SLC24A3: variants seen among roughly 807,000 people sequenced by gnomAD.
The protein encoded by SLC24A3 is solute carrier family 24 member 3, also known as sodium/potassium/calcium exchanger 3.
Under a neutral mutation model 75.8 loss-of-function variants are expected in SLC24A3, and 28 were observed. That is an observed-to-expected ratio of 0.37 (90% CI 0.27 to 0.51). SLC24A3 has a LOEUF of 0.51. Ranked by LOEUF, SLC24A3 falls within the 20% of genes least tolerant of loss-of-function variation. SLC24A3 has a pLI of 0.94. For missense variants in SLC24A3, 663 were observed against 847.8 expected, an observed-to-expected ratio of 0.78 and a Z score of 2.71; for synonymous variants, 372 against 334.1, an observed-to-expected ratio of 1.11 and a Z score of -1.24.
At chr20:19,248,971 T>A (rs1300882328) in intron 1 of SLC24A3, among the ~76,000 whole-genome samples, 1 of 150,942 alleles carries the variant, frequency 6.6e-6, no homozygotes, top group Non-Finnish European at 1.5e-5. Flanking sequence ...AATAATGGTT[T>A]CCAGAGGCTG....
rs548255678 is a variant in SLC24A3, at chr20:19,652,836, C to T, written c.613-1226C>T. Among the ~76,000 whole-genome samples, 247 of 152,268 alleles carry T rather than the reference C, an allele frequency of 1.6e-3. 1 individual carries two copies. The highest frequency in any genetic ancestry group is 2.1e-3 in the Non-Finnish European group (141 of 68,028). On this transcript the variant is annotated intron_variant, in intron 6 of 16. Transcript: ENST00000328041. ...ATGTCCCTGGGGTCCCTTTTTCCCA[C>T]TGTGTTTGGTGTAGCATGTGCCTGT...
At chr20:19,438,079 CTG>C (rs902649518) in intron 2 of SLC24A3, among the ~76,000 whole-genome samples, 7 of 152,156 alleles carry the variant, frequency 4.6e-5, no homozygotes, top group Admixed American at 1.3e-4. Context: ...TCAAGGTCCC[CTG>C]TGTTTTTGAA....
At chr20:19,516,175 C>G (rs1199404231) in intron 3 of SLC24A3, among the ~76,000 whole-genome samples, 1 of 152,210 alleles carries the variant, frequency 6.6e-6, no homozygotes, top group Non-Finnish European at 1.5e-5. Context: ...CATCTGGCCT[C>G]TTACTTTCCA....
At chr20:19,678,339 G>A (rs1451947288) in intron 9 of SLC24A3, among the ~76,000 whole-genome samples, 1 of 111,220 alleles carries the variant, frequency 9.0e-6, no homozygotes, top group Non-Finnish European at 1.9e-5. Flanking sequence ...GCGGGGGGCT[G>A]ACCCCCCCCA....
intron 7 of SLC24A3, among the ~76,000 whole-genome samples, chr20:19,661,572 G>C (rs6081704): frequency 6.6e-6 from 1 of 152,124 alleles, no homozygotes; most frequent in Non-Finnish European, 1.5e-5. Context: ...AAGAGTTTCA[G>C]GTTTCAGTCT....
At chr20:19,366,693 T>C (rs1985897033) in intron 2 of SLC24A3, among the ~76,000 whole-genome samples, 1 of 152,126 alleles carries the variant, frequency 6.6e-6, no homozygotes, top group African/African-American at 2.4e-5. Context: ...TAAAATCAAG[T>C]TTGCTTTATT....
At chr20:19,307,051 G>T (rs1274054546) in intron 2 of SLC24A3, among the ~76,000 whole-genome samples, 1 of 152,154 alleles carries the variant, frequency 6.6e-6, no homozygotes, top group Non-Finnish European at 1.5e-5. Flanking sequence ...GAGGATATTG[G>T]TTGGAGTGGG....
chr20:19,592,171 GCA>G (rs1438468941), intron 6 of SLC24A3, among the ~76,000 whole-genome samples: 1 of 152,144 alleles, frequency 6.6e-6, no homozygotes, highest in Non-Finnish European at 1.5e-5. Flanking sequence ...AGCACGAGTG[GCA>G]CGTCACTGTG....
intron 6 of SLC24A3, among the ~76,000 whole-genome samples, chr20:19,631,795 T>A (rs1460316719): frequency 2.7e-5 from 4 of 149,052 alleles, no homozygotes; most frequent in South Asian, 2.1e-4. Context: ...AGTGAGAGTG[T>A]GTGTGTGTGT....
In SLC24A3 at chr20:19,709,867, AC is replaced by A. The variant is rs147932876; in HGVS notation, c.1720-7660del. Among the ~76,000 whole-genome samples the A allele has an allele frequency of 2.6e-3, 399 of 152,316 alleles. 1 individual carries two copies. The highest frequency in any genetic ancestry group is 9.2e-3 in the African/African-American group (384 of 41,574). On this transcript the variant is annotated intron_variant, in intron 15 of 16. Transcript: ENST00000328041. ...CTTTCAAATGGGGAGAACAAAACCC[AC>A]TTTGCATATTTCATGAGTGGCCACC...
intron 6 of SLC24A3, among the ~76,000 whole-genome samples, chr20:19,645,110 A>T (rs2032121004): frequency 6.6e-6 from 1 of 152,232 alleles, no homozygotes; most frequent in African/African-American, 2.4e-5. Context: ...TATAATAAAG[A>T]AATTTACTGG....
At chr20:19,279,587 T>C (rs566459671) in intron 1 of SLC24A3, among the ~76,000 whole-genome samples, 3 of 152,222 alleles carry the variant, frequency 2.0e-5, no homozygotes, top group Non-Finnish European at 4.4e-5. Context: ...TCCCTTCCTG[T>C]ATCCTTTTGC....
At position 19,715,558 on chromosome 20, in the gene SLC24A3, C is replaced by T. The variant is rs144740909; in HGVS notation, c.1720-1970C>T. On this transcript the variant is annotated intron_variant, in intron 15 of 16. Transcript: ENST00000328041. ...AAGTCACGAGAGAAAGAGTCCAGCT[C>T]AATCCCTCTGTGACAGGACATCATT... 8.7e-3 allele frequency among the ~76,000 whole-genome samples: 1,330 copies of T among 152,286 alleles called. 26 individuals are homozygous for T. The highest frequency in any genetic ancestry group is 0.03 in the African/African-American group (1,258 of 41,552).
rs1251419875 is a variant in SLC24A3 at position 19,325,795 on chromosome 20, T to TATAGAG, written c.271+44709_271+44710insTAGAGA. Among the ~76,000 whole-genome samples, 121 of 67,780 alleles carry TATAGAG rather than the reference T, an allele frequency of 1.8e-3. 2 individuals carry two copies. Among genetic ancestry groups the TATAGAG allele is most frequent in the South Asian group, 2.5e-3 (4 of 1,582 alleles). 44.5% of individuals were successfully genotyped at this position (67,780 alleles called of 152,430 possible). ...ATATATACATATATATATATATATA[T>TATAGAG]AGAGAGAGAGAGAGAGAGAGAGAGA... On this transcript the variant is annotated intron_variant, in intron 2 of 16. Coordinates refer to ENST00000328041, the MANE Select transcript of SLC24A3 (RefSeq NM_020689.4).
chr20:19,300,613 C>T (rs75743896), intron 2 of SLC24A3, among the ~76,000 whole-genome samples: 266 of 152,278 alleles, frequency 1.7e-3, no homozygotes, highest in African/African-American at 5.9e-3. Context: ...CATTGTCACA[C>T]GGCTAAAGAA....
chr20:19,717,062 G>A (rs1012449272), intron 15 of SLC24A3, among the ~76,000 whole-genome samples: 1 of 152,192 alleles, frequency 6.6e-6, no homozygotes, highest in Non-Finnish European at 1.5e-5. Context: ...TTAGGGGAAG[G>A]ACAGAGACAT....
chr20:19,568,779 T>C (rs17358889), intron 3 of SLC24A3, among the ~76,000 whole-genome samples: 2,085 of 152,318 alleles, frequency 0.014, 22 homozygotes, highest in Non-Finnish European at 0.019. Flanking sequence ...ACAATAAAAA[T>C]AGTTTAAAAC....
At chr20:19,604,358 C>T (rs6136786) in intron 6 of SLC24A3, among the ~76,000 whole-genome samples, 79,389 of 151,882 alleles carry the variant, frequency 0.52, 22,199 homozygotes, top group Admixed American at 0.62. Flanking sequence ...AGACCTAGAA[C>T]ATTCCAGGAA....
At chr20:19,443,129 C>T (rs1466654204) in intron 2 of SLC24A3, among the ~76,000 whole-genome samples, 1 of 152,144 alleles carries the variant, frequency 6.6e-6, no homozygotes, top group Non-Finnish European at 1.5e-5. Flanking sequence ...AGTCCTCTGA[C>T]TTATTTTTCT....
Sources: allele counts gnomAD v4.1 joint callset (sites outside exome capture counted in the v4.1 genomes callset), GRCh38; gene constraint gnomAD v4.1.1; transcripts MANE v1.5; gene names NCBI Gene and HGNC (gene_info 2026-07-23, HGNC 2026-07-21).